Variants in SLC2A6 observed in about 807,000 individuals in gnomAD.
The protein encoded by SLC2A6 is solute carrier family 2, facilitated glucose transporter member 6.
A neutral mutation model predicts 47.8 loss-of-function variants in SLC2A6; 39 were observed. That is an observed-to-expected ratio of 0.82 (90% CI 0.63 to 1.07). SLC2A6 has a LOEUF of 1.07. Ranked by LOEUF, SLC2A6 falls within the 50% of genes least tolerant of loss-of-function variation. The pLI is 0.00. For missense variants in SLC2A6, 650 were observed against 707.6 expected, an observed-to-expected ratio of 0.92 and a Z score of 0.92; for synonymous variants, 346 against 324.1, an observed-to-expected ratio of 1.07 and a Z score of -0.73.
At position 133,476,305 on chromosome 9, in the gene SLC2A6, A is replaced by G. The variant is rs1266299095; in HGVS notation, c.494T>C (p.Val165Ala). 1.2e-6 allele frequency: 2 copies of G among 1,612,844 alleles called. No homozygotes were observed. Among genetic ancestry groups the G allele is most frequent in the African/African-American group, 2.7e-5 (2 of 74,920 alleles). The change falls in exon 4 of 10, where the codon GTT (valine) becomes GCT (alanine). Residue 165 changes from valine to alanine, a missense_variant. Val to Ala is a moderately conservative substitution (Grantham distance 64, BLOSUM62 0). Coordinates refer to ENST00000371899, the MANE Select transcript of SLC2A6 (RefSeq NM_017585.4). Reference protein sequence around the residue: ...VYVSEIAPPGVRGALGATPQL... With the variant: ...VYVSEIAPPGARGALGATPQL... ...GGGTGTGGCCCCCAGAGCCCCACGAACGCCTGGGGGAGCAATCTCAGACAC... is the reference window on the plus strand; with the variant it reads ...GGGTGTGGCCCCCAGAGCCCCACGAGCGCCTGGGGGAGCAATCTCAGACAC...
At chr9:133,476,713 G>A (rs954458453) in intron 3 of SLC2A6, among the ~76,000 whole-genome samples, 5 of 152,202 alleles carry the variant, frequency 3.3e-5, no homozygotes, top group African/African-American at 1.2e-4. Flanking sequence ...AGAAGGTCCC[G>A]GGGAGGGTGT....
At chr9:133,478,767 C>T (rs1022371602) in intron 1 of SLC2A6, 2 of 591,224 alleles carry the variant, frequency 3.4e-6, no homozygotes, top group South Asian at 4.3e-5. Flanking sequence ...GGGCTGGGCC[C>T]GGTACTCTCG....
intron 2 of SLC2A6, 72 bp from the exon 3 acceptor site, chr9:133,477,313 C>T: frequency 6.9e-7 from 1 of 1,455,452 alleles, no homozygotes. Flanking sequence ...AGTCCAGGGA[C>T]AGCTTCTTCC....
Position 133,472,128 on chromosome 9 carries a change from A to G in SLC2A6, c.1417T>C (p.Leu473=). Residue 473 remains leucine, a synonymous_variant, in exon 10 of 10, where the codon TTG becomes CTG. Transcript: ENST00000371899. ...VPFFFFAAIC[L]VSLVFTGCCV... ...CAGCCTGTGAACACCAGGCTCACCA[A>G]GCAGATGGCCGCGAAGAAGAAGAAA... is the stretch of plus-strand genomic sequence containing the variant. 6.2e-7 allele frequency: 1 copy of G among 1,613,410 alleles called. No individual in the cohort carries two copies. Among genetic ancestry groups the G allele is most frequent in the Non-Finnish European group, 8.5e-7 (1 of 1,179,908 alleles).
At chr9:133,478,596 G>T in intron 1 of SLC2A6, 180 bp from the exon 2 acceptor site, 2 of 669,296 alleles carry the variant, frequency 3.0e-6, no homozygotes, top group Non-Finnish European at 5.0e-6. Context: ...CCAGGCCATT[G>T]TTAGCTCATC....
intron 3 of SLC2A6, 79 bp from the exon 4 acceptor site, chr9:133,476,415 C>G (rs782540056): frequency 4.8e-6 from 6 of 1,254,668 alleles, no homozygotes; most frequent in Non-Finnish European, 6.9e-6. Context: ...GAGTCAGCCC[C>G]TGTGAACCCC....
At chr9:133,478,897 C>CT in intron 1 of SLC2A6, 71 bp downstream of exon 1, 1 of 1,413,576 alleles carries the variant, frequency 7.1e-7, no homozygotes, top group East Asian at 2.7e-5. Context: ...GGGCGGGAGC[C>CT]TGCCGCCGGC....
Position 133,477,083 on chromosome 9 carries a change from T to C in SLC2A6, c.414A>G (p.Gly138=), listed in dbSNP as rs587697078. The change falls in exon 3 of 10, where the codon GGA becomes GGG. Residue 138 remains glycine (G), a synonymous_variant. Transcript: ENST00000371899. ...CCCCGGCGAAGCCCGTCAGCGTCCTTCCGAGCAGCAGCATCCAGAGGCCGT... is the reference window on the plus strand; with the variant it reads ...CCCCGGCGAAGCCCGTCAGCGTCCTCCCGAGCAGCAGCATCCAGAGGCCGT... ...GAHGLWMLLL[G]RTLTGFAGGL... is the part of the protein sequence containing the mutation. The C allele has an allele frequency of 1.3e-6, 2 of 1,546,158 alleles. No individual in the cohort carries two copies. The highest frequency in any genetic ancestry group is 2.4e-5 in the East Asian group (1 of 40,896).
chr9:133,472,898 G>A (rs902737877), intron 9 of SLC2A6, among the ~76,000 whole-genome samples: 2 of 152,186 alleles, frequency 1.3e-5, no homozygotes, highest in Admixed American at 6.5e-5. Context: ...GCCTACGCCC[G>A]TTCCTGTTTC....
At position 133,473,581 on chromosome 9, in the gene SLC2A6, G is replaced by T; in HGVS notation, c.1056C>A (p.Ala352=). 1 of 1,539,654 alleles carries T rather than the reference G, an allele frequency of 6.5e-7. No homozygotes were observed. Among genetic ancestry groups the T allele is most frequent in the South Asian group, 1.3e-5 (1 of 78,896 alleles). ...LFVSAAIMFA[A]NLTLGLYIHF... ...GGATGTACAGCCCCAGAGTCAGGTTGGCAGCAAACATGATGGCCGCTGTGG... is the reference window on the plus strand; with the variant it reads ...GGATGTACAGCCCCAGAGTCAGGTTTGCAGCAAACATGATGGCCGCTGTGG... The change falls in exon 8 of 10, where the codon GCC becomes GCA. Residue 352 remains alanine (A), a synonymous_variant. Coordinates refer to ENST00000371899, the MANE Select transcript of SLC2A6 (RefSeq NM_017585.4).
At chr9:133,475,146 G>A in intron 5 of SLC2A6, 33 bp from the exon 6 acceptor site, 1 of 1,500,704 alleles carries the variant, frequency 6.7e-7, no homozygotes, top group Non-Finnish European at 8.9e-7. Context: ...AGGGCGTTGG[G>A]CCAGCCTCTC....
chr9:133,471,812 G>C lies in SLC2A6; in HGVS notation c.*209C>G, dbSNP rs1843725714. ...GCCCATGGCTACGTGCAGCACTGTG[G>C]GCTGCCTGGGCTGGGGCTGTGGCTG... On this transcript the variant is annotated 3_prime_UTR_variant, in exon 10 of 10. Coordinates refer to ENST00000371899, the MANE Select transcript of SLC2A6 (RefSeq NM_017585.4). The C allele has an allele frequency of 5.1e-6, 3 of 594,034 alleles. No individual in the cohort carries two copies. The highest frequency in any genetic ancestry group is 8.9e-6 in the Non-Finnish European group (3 of 337,128). 36.8% of individuals were successfully genotyped at this position (594,034 alleles called of 1,614,324 possible).
intron 1 of SLC2A6, chr9:133,478,711 A>C: frequency 1.7e-6 from 1 of 587,032 alleles, no homozygotes; most frequent in Non-Finnish European, 3.0e-6. Flanking sequence ...CCTCAGGCAG[A>C]ACCCCTGCTC....
At chr9:133,472,821 C>A (rs984323931) in intron 9 of SLC2A6, among the ~76,000 whole-genome samples, 4 of 152,130 alleles carry the variant, frequency 2.6e-5, no homozygotes, top group Non-Finnish European at 5.9e-5. Context: ...GCTTCCGGGG[C>A]CCCTGGCAGG....
intron 7 of SLC2A6, 23 bp from the exon 8 acceptor site, chr9:133,473,623 G>C (rs782495565): frequency 1.3e-6 from 2 of 1,500,748 alleles, no homozygotes; most frequent in Non-Finnish European, 1.8e-6. Flanking sequence ...AGGTGGCCTC[G>C]TGGGGCCAGG....
rs970565198 is a variant in SLC2A6 at position 133,471,613 on chromosome 9, A to G, written c.*408T>C. 6.1e-6 allele frequency: 1 copy of G among 164,872 alleles called. No homozygotes were observed. The highest frequency in any genetic ancestry group is 2.4e-5 in the African/African-American group (1 of 41,862). 10.2% of individuals were successfully genotyped at this position (164,872 alleles called of 1,614,324 possible). On this transcript the variant is annotated 3_prime_UTR_variant, in exon 10 of 10. Transcript: ENST00000371899. ...GGTCTTCCTTGCACAGCCAGATGCC[A>G]CCAGATCAGAGCGCGATGATATGAC...
intron 7 of SLC2A6, 172 bp from the exon 8 acceptor site, chr9:133,473,772 G>A (rs899508049): frequency 4.9e-5 from 38 of 778,926 alleles, no homozygotes; most frequent in Non-Finnish European, 7.0e-5. Context: ...GGCTCCCACC[G>A]TGGAGTGTCA....
In SLC2A6 at chr9:133,476,301, A is replaced by G. The variant is rs782339204; in HGVS notation, c.498T>C (p.Arg166=). The part of the protein sequence containing the change: ...YVSEIAPPGV[R]GALGATPQLM... ...GCTGGGGTGTGGCCCCCAGAGCCCCACGAACGCCTGGGGGAGCAATCTCAG... is the reference window on the plus strand; with the variant it reads ...GCTGGGGTGTGGCCCCCAGAGCCCCGCGAACGCCTGGGGGAGCAATCTCAG... The change falls in exon 4 of 10, where the codon CGT becomes CGC. Residue 166 remains arginine (R), a synonymous_variant. Transcript: ENST00000371899. 1 of 1,613,016 alleles carries G rather than the reference A, an allele frequency of 6.2e-7. No individual in the cohort carries two copies. The highest frequency in any genetic ancestry group is 8.5e-7 in the Non-Finnish European group (1 of 1,179,946).
chr9:133,471,740 C>G lies in SLC2A6; in HGVS notation c.*281G>C. 2.6e-6 allele frequency: 1 copy of G among 381,362 alleles called. No homozygotes were observed. Among genetic ancestry groups the G allele is most frequent in the South Asian group, 5.5e-5 (1 of 18,172 alleles). The allele number at this position is 381,362 out of a possible 1,614,324, so 23.6% of individuals were successfully genotyped here. ...GGGAAAGGGACTAGGCCTGAGGTCA[C>G]CCAGCAGGGCCGTGTCCCTGGATGC... On this transcript the variant is annotated 3_prime_UTR_variant, in exon 10 of 10. Transcript: ENST00000371899.
Sources: gnomAD v4.1 joint callset for allele counts (sites outside exome capture counted in the v4.1 genomes callset) on GRCh38, gnomAD v4.1.1 for gene constraint, MANE v1.5 for transcripts, NCBI Gene and HGNC (gene_info 2026-07-23, HGNC 2026-07-21) for gene names.